The following DNHD1 variants were observed in gnomAD, a reference collection of about 807,000 sequenced individuals.
DNHD1 encodes dynein heavy chain domain-containing protein 1.
Under a neutral mutation model 458.1 loss-of-function variants are expected in DNHD1, and 383 were observed. The ratio of observed to expected loss-of-function variants is 0.84; its 90% CI spans 0.77 to 0.91. The LOEUF (loss-of-function observed/expected upper bound fraction) is 0.91, where lower values mean the gene tolerates loss of function less well. Among genes scored for constraint, DNHD1 ranks in the 40% least tolerant of loss-of-function variants. The pLI, the probability that DNHD1 is intolerant of heterozygous loss-of-function variation, is 0.00. For missense variants in DNHD1, 5,336 were observed against 5,866.1 expected, an observed-to-expected ratio of 0.91 and a Z score of 2.95; for synonymous variants, 2,203 against 2,376.9, an observed-to-expected ratio of 0.93 and a Z score of 2.13.
chr11:6,542,765 C>T (rs1418325336), intron 18 of DNHD1, among the ~76,000 whole-genome samples: 2 of 152,206 alleles, frequency 1.3e-5, no homozygotes, highest in Non-Finnish European at 2.9e-5. Flanking sequence ...TTAATCTCCC[C>T]TTTAGATTCT....
chr11:6,544,380 C>A (rs1414690976), intron 19 of DNHD1, 134 bp downstream of exon 19: 2 of 1,164,850 alleles, frequency 1.7e-6, no homozygotes, highest in African/African-American at 1.5e-5. Context: ...AGGGCTGTTT[C>A]TTGGGATGAA....
rs377705893 is a variant in DNHD1, at chr11:6,502,960, C to T, written c.920+34C>T. ...CTATGTCCAGGCCCCTTCTCCTCCC[C>T]CTGCCTGGTTTCCTTCTATGCTATC... On this transcript the variant is annotated intron_variant, in intron 4 of 42. Transcript: ENST00000254579. The T allele has an allele frequency of 8.4e-5, 134 of 1,604,440 alleles. 3 individuals carry two copies. The South Asian group carries it at 1.2e-3, about 14-fold the overall frequency.
In DNHD1 at chr11:6,571,316, C is replaced by T. The variant is rs768799713; in HGVS notation, c.13804C>T (p.Leu4602=). 3.7e-6 allele frequency: 6 copies of T among 1,612,450 alleles called. No homozygotes were observed. Among genetic ancestry groups the T allele is most frequent in the Non-Finnish European group, 4.2e-6 (5 of 1,179,614 alleles). Residue 4602 remains leucine (L), a synonymous_variant, in exon 42 of 43, where the codon CTG becomes TTG. Transcript: ENST00000254579. The surrounding 1 kb of genome is among the most constrained non-coding windows in gnomAD (Gnocchi z 5.0). ...LLLALRGEAA[L]DQNVPSSNFP... ...GCTGGCATTGCGTGGGGAAGCTGCC[C>T]TGGACCAGAATGTGCCCAGCTCGAA...
Position 6,498,533 on chromosome 11 carries a change from C to G in DNHD1, c.318C>G (p.Pro106=). ...TAGTTGGCCACCTTGATTTGCTGCC[C>G]TTCCTGGAGCAGCTGTACTGCTGGG... The part of the protein sequence containing the change: ...ELLVGHLDLL[P]FLEQLYCWAP... Residue 106 remains proline (P), a synonymous_variant, in exon 3 of 43, where the codon CCC becomes CCG. Transcript: ENST00000254579. 6.2e-7 allele frequency: 1 copy of G among 1,614,200 alleles called. No homozygotes were observed. The highest frequency in any genetic ancestry group is 1.1e-5 in the South Asian group (1 of 91,080).
Position 6,556,802 on chromosome 11 carries a change from A to G in DNHD1, c.7507A>G (p.Thr2503Ala). Residue 2503 changes from threonine to alanine, a missense_variant, in exon 25 of 43, where the codon ACT becomes GCT. This residue lies in a region of DNHD1 where 3,932 missense variants were observed against 4,365.6 expected (regional missense o/e 0.90). Transcript: ENST00000254579. ...TLQPTVNFLA[T>A]VTVPGYCERP... ...GCAGCCTACAGTCAACTTCCTTGCCACTGTCACAGTGCCAGGATACTGTGA... is the reference window on the plus strand; with the variant it reads ...GCAGCCTACAGTCAACTTCCTTGCCGCTGTCACAGTGCCAGGATACTGTGA... 6.4e-7 allele frequency: 1 copy of G among 1,551,616 alleles called. No homozygotes were observed. The highest frequency in any genetic ancestry group is 1.2e-5 in the South Asian group (1 of 84,062).
At chr11:6,517,649 CTTCTTTTTTTTTTTTT>C (rs1394208558) in intron 7 of DNHD1, among the ~76,000 whole-genome samples, 8 of 85,614 alleles carry the variant, frequency 9.3e-5, no homozygotes, top group Admixed American at 1.7e-4. Flanking sequence ...TGATCTAGGA[CTTCTTTTTTTTTTTTT>C]TTTTTTTTTT....
At chr11:6,525,724 T>A (rs1852697391) in intron 10 of DNHD1, among the ~76,000 whole-genome samples, 1 of 152,046 alleles carries the variant, frequency 6.6e-6, no homozygotes, top group Admixed American at 6.5e-5. Context: ...GATATAAAGT[T>A]GTTGGTTTAT....
At chr11:6,509,658 G>A (rs1018542000) in intron 6 of DNHD1, among the ~76,000 whole-genome samples, 4 of 152,062 alleles carry the variant, frequency 2.6e-5, no homozygotes, top group African/African-American at 9.7e-5. Context: ...TAATTCAGTT[G>A]TTTGAATCCA....
chr11:6,566,668 A>G lies in DNHD1; in HGVS notation c.11288A>G (p.His3763Arg), dbSNP rs1853707544. The G allele has an allele frequency of 6.2e-7, 1 of 1,613,536 alleles. No individual in the cohort carries two copies. The highest frequency in any genetic ancestry group is 8.5e-7 in the Non-Finnish European group (1 of 1,179,776). The stretch of plus-strand genomic sequence containing the variant: ...GAAATACTGGAAGAACAGATGCTGC[A>G]TGAAATCTTGTGCAGAGAGTATCCT... ...NMEILEEQML[H>R]EILCREYPEL... The change falls in exon 35 of 43, where the codon CAT becomes CGT. Residue 3763 changes from histidine to arginine, a missense_variant. By Grantham distance (29) the His-to-Arg change is conservative. Around this residue, in one of 4 missense-constraint regions of DNHD1, gnomAD observed 695 missense variants for 804.2 expected, o/e 0.86. Transcript: ENST00000254579.
chr11:6,548,235 A>G lies in DNHD1; in HGVS notation c.6931A>G (p.Ile2311Val). The change falls in exon 23 of 43, where the codon ATA (isoleucine) becomes GTA (valine). Residue 2311 changes from isoleucine to valine, a missense_variant. Ile to Val is a conservative substitution (Grantham distance 29). Coordinates refer to ENST00000254579, the MANE Select transcript of DNHD1 (RefSeq NM_144666.3). This position sits in a 1 kb window ranked among gnomAD's most constrained non-coding sequence, Gnocchi z 4.4. The part of the protein sequence containing the change: ...SRFWPIFDTF[I>V]RDSISRLSNY... ...GTTCTGGCCCATCTTTGATACCTTC[A>G]TAAGGGATTCTATTAGTCGCCTCTC... 2 of 1,551,694 alleles carry G rather than the reference A, an allele frequency of 1.3e-6. No homozygotes were observed. Among genetic ancestry groups the G allele is most frequent in the East Asian group, 2.4e-5 (1 of 40,922 alleles).
intron 18 of DNHD1, among the ~76,000 whole-genome samples, chr11:6,543,444 C>T (rs2344931): frequency 0.64 from 97,734 of 152,030 alleles, 31,826 homozygotes; most frequent in African/African-American, 0.74. Context: ...AGAAATATTA[C>T]GTAGGGTCCT....
chr11:6,497,983 G>T lies in DNHD1; in HGVS notation c.-233G>T. 1.7e-6 allele frequency: 1 copy of T among 588,328 alleles called. No individual in the cohort carries two copies. Among genetic ancestry groups the T allele is most frequent in the Non-Finnish European group, 3.0e-6 (1 of 333,522 alleles). The allele number at this position is 588,328 out of a possible 1,614,324, so 36.4% of individuals were successfully genotyped here. ...CTGAGGGTCTCAGGAAAGGCTCTCTGCTGGTCTGGCTCTGCTCTGTAGCTC... is the reference window on the plus strand; with the variant it reads ...CTGAGGGTCTCAGGAAAGGCTCTCTTCTGGTCTGGCTCTGCTCTGTAGCTC... On this transcript the variant is annotated 5_prime_UTR_variant, in exon 3 of 43. Coordinates refer to ENST00000254579, the MANE Select transcript of DNHD1 (RefSeq NM_144666.3).
At chr11:6,521,546 A>G (rs1328291126) in intron 10 of DNHD1, among the ~76,000 whole-genome samples, 1 of 152,216 alleles carries the variant, frequency 6.6e-6, no homozygotes, top group Non-Finnish European at 1.5e-5. Context: ...GTTTAGGGGA[A>G]TGAAAAGATA....
In DNHD1 at chr11:6,498,390, G is replaced by C. The variant is rs1439736661; in HGVS notation, c.175G>C (p.Glu59Gln). The C allele has an allele frequency of 1.9e-6, 3 of 1,614,084 alleles. No individual in the cohort carries two copies. The highest frequency in any genetic ancestry group is 2.2e-5 in the South Asian group (2 of 91,094). ...VTESEQPTVLELLLAELRTLF... is the reference protein window; with the variant it reads ...VTESEQPTVLQLLLAELRTLF... Reference sequence around the variant, plus strand: ...TGAGTCAGAGCAGCCCACAGTGCTGGAACTCCTGCTAGCTGAGCTCCGAAC... The same window carrying C: ...TGAGTCAGAGCAGCCCACAGTGCTGCAACTCCTGCTAGCTGAGCTCCGAAC... Residue 59 changes from glutamate to glutamine, a missense_variant, in exon 3 of 43, where the codon GAA becomes CAA. By Grantham distance (29) the Glu-to-Gln change is conservative (BLOSUM62 2). Around this residue, in one of 4 missense-constraint regions of DNHD1, gnomAD observed 3,932 missense variants for 4,365.6 expected, o/e 0.90. Transcript: ENST00000254579.
At position 6,570,325 on chromosome 11, in the gene DNHD1, G is replaced by A. The variant is rs1440666300; in HGVS notation, c.13034G>A (p.Ser4345Asn). ...ATTAGCCTCACACAAGCCTGCCTGA[G>A]CCCCAGTAGTGGGAGCTGGGTCCAG... is the stretch of plus-strand genomic sequence containing the variant. ...ALISLTQACL[S>N]PSSGSWVQPH... The change falls in exon 41 of 43, where the codon AGC (serine) becomes AAC (asparagine). Residue 4345 changes from serine to asparagine, a missense_variant. Ser to Asn is a conservative substitution (Grantham distance 46). Coordinates refer to ENST00000254579, the MANE Select transcript of DNHD1 (RefSeq NM_144666.3). 1.9e-6 allele frequency: 3 copies of A among 1,613,122 alleles called. No homozygotes were observed. Among genetic ancestry groups the A allele is most frequent in the South Asian group, 2.2e-5 (2 of 90,926 alleles).
At position 6,498,068 on chromosome 11, in the gene DNHD1, C is replaced by T; in HGVS notation, c.-148C>T. The T allele has an allele frequency of 9.0e-7, 1 of 1,110,956 alleles. No homozygotes were observed. Among genetic ancestry groups the T allele is most frequent in the East Asian group, 2.4e-5 (1 of 42,298 alleles). The allele number at this position is 1,110,956 out of a possible 1,614,324, so 68.8% of individuals were successfully genotyped here. On this transcript the variant is annotated 5_prime_UTR_variant, in exon 3 of 43. Coordinates refer to ENST00000254579, the MANE Select transcript of DNHD1 (RefSeq NM_144666.3). The stretch of plus-strand genomic sequence containing the variant: ...CTAACCCCATTGACTCTGACCATCC[C>T]CTGCCCAGAGCCTGAGGTCCCTTCT...
At position 6,528,687 on chromosome 11, in the gene DNHD1, G is replaced by C. The variant is rs1469849061; in HGVS notation, c.2003G>C (p.Arg668Pro). 1 of 1,551,584 alleles carries C rather than the reference G, an allele frequency of 6.4e-7. No homozygotes were observed. The highest frequency in any genetic ancestry group is 8.7e-7 in the Non-Finnish European group (1 of 1,147,010). ...GILEVRGCRL[R>P]GQYFPHNYKQ... ...TTGGAGGTCCGTGGATGTCGGCTGC[G>C]GGGCCAATACTTCCCCCACAATTAT... Residue 668 changes from arginine to proline, a missense_variant, in exon 11 of 43, where the codon CGG becomes CCG. By Grantham distance (103) the Arg-to-Pro change is moderately radical. Around this residue, in one of 4 missense-constraint regions of DNHD1, gnomAD observed 3,932 missense variants for 4,365.6 expected, o/e 0.90. Transcript: ENST00000254579.
chr11:6,524,226 T>C (rs1852662853), intron 10 of DNHD1, among the ~76,000 whole-genome samples: 2 of 152,162 alleles, frequency 1.3e-5, no homozygotes, highest in South Asian at 4.1e-4. Flanking sequence ...GTCTTATATT[T>C]TGGAGCTCAC....
At chr11:6,524,870 C>CAAAAT (rs1852678318) in intron 10 of DNHD1, among the ~76,000 whole-genome samples, 2 of 152,242 alleles carry the variant, frequency 1.3e-5, no homozygotes, top group South Asian at 4.1e-4. Flanking sequence ...GTGGCCTAAA[C>CAAAAT]AAAATAAAAC....
Sources: allele counts gnomAD v4.1 joint callset (sites outside exome capture counted in the v4.1 genomes callset), GRCh38; gene constraint gnomAD v4.1.1; regional missense constraint gnomAD v4.1.1; non-coding constraint Gnocchi (gnomAD v3.1); transcripts MANE v1.5; gene names NCBI Gene and HGNC (gene_info 2026-07-23, HGNC 2026-07-21).